Variants in PGM5 observed in about 807,000 individuals in gnomAD.
PGM5 encodes the protein phosphoglucomutase 5.
PGM5 carries 23 observed loss-of-function variants against 59.2 expected under a neutral mutation model. The observed-to-expected ratio is 0.39, with a 90% CI of 0.28 to 0.55. The LOEUF (loss-of-function observed/expected upper bound fraction) is 0.55, where lower values mean the gene tolerates loss of function less well. Among genes scored for constraint, PGM5 ranks in the 20% least tolerant of loss-of-function variants. The pLI, the probability that PGM5 is intolerant of heterozygous loss-of-function variation, is 0.66. For synonymous variants in PGM5, 214 were observed against 286.0 expected, an observed-to-expected ratio of 0.75 and a Z score of 2.54; for missense variants, 574 against 748.3, an observed-to-expected ratio of 0.77 and a Z score of 2.72.
chr9:68,367,690 C>T (rs1187298761), intron 1 of PGM5, among the ~76,000 whole-genome samples: 176 of 151,932 alleles, frequency 1.2e-3, no homozygotes, highest in African/African-American at 4.0e-3. Flanking sequence ...TCTTGCTGAG[C>T]TGTAAATCTA....
chr9:68,416,942 A>T (rs559272263), intron 6 of PGM5, among the ~76,000 whole-genome samples: 1 of 152,346 alleles, frequency 6.6e-6, no homozygotes, highest in Non-Finnish European at 1.5e-5. Context: ...TTATCTCAAA[A>T]ATGCTATTTC....
chr9:68,453,711 C>T (rs1447229085), intron 6 of PGM5, among the ~76,000 whole-genome samples: 1 of 152,164 alleles, frequency 6.6e-6, no homozygotes, highest in African/African-American at 2.4e-5. Flanking sequence ...CTGGAAGCAC[C>T]TTTATATTAA....
chr9:68,476,982 T>C (rs1824116895), intron 7 of PGM5, among the ~76,000 whole-genome samples: 1 of 144,636 alleles, frequency 6.9e-6, no homozygotes, highest in Non-Finnish European at 1.5e-5. Flanking sequence ...TAAATAAAAG[T>C]GATTTTTTTT....
intron 1 of PGM5, among the ~76,000 whole-genome samples, chr9:68,362,020 T>G (rs2987689): frequency 2.4e-4 from 36 of 147,442 alleles, no homozygotes; most frequent in African/African-American, 4.1e-4. Flanking sequence ...TGTATCAATA[T>G]TTACTTGATT....
At chr9:68,385,207 A>G (rs1390836668) in intron 3 of PGM5, among the ~76,000 whole-genome samples, 1 of 134,562 alleles carries the variant, frequency 7.4e-6, no homozygotes, top group African/African-American at 2.8e-5. Flanking sequence ...CCATATGACA[A>G]CAACATTAAT....
intron 1 of PGM5, among the ~76,000 whole-genome samples, chr9:68,374,528 T>C (rs1404432415): frequency 4.7e-5 from 7 of 149,286 alleles, no homozygotes; most frequent in Non-Finnish European, 1.0e-4. Context: ...GTATTAGTTA[T>C]TTATTGCAGT....
intron 4 of PGM5, among the ~76,000 whole-genome samples, chr9:68,388,414 ATCTGCCCCAC>A (rs1822283064): frequency 6.7e-6 from 1 of 149,034 alleles, no homozygotes; most frequent in South Asian, 2.2e-4. Context: ...GGAGACTTTG[ATCTGCCCCAC>A]TCTGCCCTGG....
chr9:68,469,828 T>G (rs1409546551), intron 7 of PGM5, among the ~76,000 whole-genome samples: 1 of 152,194 alleles, frequency 6.6e-6, no homozygotes, highest in African/African-American at 2.4e-5. Flanking sequence ...GATAGGTGGG[T>G]GGAAGGAAAG....
intron 6 of PGM5, among the ~76,000 whole-genome samples, chr9:68,419,251 A>G (rs1823087780): frequency 6.6e-6 from 1 of 152,216 alleles, no homozygotes; most frequent in Admixed American, 6.5e-5. Context: ...AATATGTTTT[A>G]ACTTTTTTTT....
chr9:68,364,684 T>A (rs1451840767), intron 1 of PGM5, among the ~76,000 whole-genome samples: 1 of 152,194 alleles, frequency 6.6e-6, no homozygotes, highest in Non-Finnish European at 1.5e-5. Flanking sequence ...AAATCTATTA[T>A]GTGAGCAATA....
intron 7 of PGM5, among the ~76,000 whole-genome samples, chr9:68,470,339 G>A (rs1587820769): frequency 6.6e-6 from 1 of 152,252 alleles, no homozygotes; most frequent in Non-Finnish European, 1.5e-5. Flanking sequence ...TATGGTTTAT[G>A]TTATCATTCT....
chr9:68,391,564 G>A lies in PGM5; in HGVS notation c.728G>A (p.Cys243Tyr), dbSNP rs1351982342. 1 of 1,613,364 alleles carries A rather than the reference G, an allele frequency of 6.2e-7. No individual in the cohort carries two copies. The highest frequency in any genetic ancestry group is 8.5e-7 in the Non-Finnish European group (1 of 1,179,490). The change falls in exon 5 of 11, where the codon TGT becomes TAT. Residue 243 changes from cysteine (C) to tyrosine (Y), a missense_variant. By Grantham distance (194) the Cys-to-Tyr change is radical (BLOSUM62 -2). Around this residue, in one of 7 missense-constraint regions of PGM5, gnomAD observed 8 missense variants for 28.2 expected, o/e 0.28. Transcript: ENST00000396396. ...GGACCTTATGTGAGAAAAGTTCTGT[G>A]TGATGAGCTGGGGGCCCCAGCCAAT... is the stretch of plus-strand genomic sequence containing the variant. Reference protein sequence around the residue: ...VMGPYVRKVLCDELGAPANSA... With the variant: ...VMGPYVRKVLYDELGAPANSA...
chr9:68,473,104 C>T (rs923600542), intron 7 of PGM5, among the ~76,000 whole-genome samples: 7 of 152,114 alleles, frequency 4.6e-5, no homozygotes, highest in African/African-American at 1.7e-4. Context: ...GTCTACCGAT[C>T]GATCGATCGA....
At chr9:68,469,334 T>C (rs549549018) in intron 7 of PGM5, among the ~76,000 whole-genome samples, 3 of 152,024 alleles carry the variant, frequency 2.0e-5, no homozygotes, top group African/African-American at 7.3e-5. Flanking sequence ...CTCTGTTGAG[T>C]CTTTCACAGA....
intron 6 of PGM5, among the ~76,000 whole-genome samples, chr9:68,441,295 AC>A (rs1444269647): frequency 2.6e-5 from 4 of 152,154 alleles, no homozygotes; most frequent in African/African-American, 9.6e-5. Flanking sequence ...GGCTAGCATT[AC>A]CTGACACTAA....
intron 1 of PGM5, among the ~76,000 whole-genome samples, chr9:68,363,687 A>G (rs1203957848): frequency 6.6e-6 from 1 of 152,312 alleles, no homozygotes; most frequent in Non-Finnish European, 1.5e-5. Flanking sequence ...TCTGCCATAT[A>G]TTGACCAAAA....
chr9:68,395,746 G>C (rs1822482958), intron 6 of PGM5: 1 of 152,028 alleles, frequency 6.6e-6, no homozygotes, highest in South Asian at 2.1e-4. Flanking sequence ...TGCTGCTGGT[G>C]CTTTTTTGTA....
intron 8 of PGM5, among the ~76,000 whole-genome samples, chr9:68,483,072 TTC>T (rs1304243092): frequency 6.6e-6 from 1 of 152,224 alleles, no homozygotes; most frequent in Non-Finnish European, 1.5e-5. Context: ...TCCTTGATTT[TTC>T]TCTCTTTCCT....
intron 1 of PGM5, among the ~76,000 whole-genome samples, chr9:68,369,759 T>C (rs1366879759): frequency 1.3e-5 from 2 of 152,172 alleles, no homozygotes; most frequent in Admixed American, 1.3e-4. Flanking sequence ...CTCATCCATC[T>C]CTCCAGCATG....
Sources: gnomAD v4.1 joint callset for allele counts (sites outside exome capture counted in the v4.1 genomes callset) on GRCh38, gnomAD v4.1.1 for gene constraint, gnomAD v4.1.1 regional missense constraint, MANE v1.5 for transcripts, NCBI Gene and HGNC (gene_info 2026-07-23, HGNC 2026-07-21) for gene names.